CNTNAP3B: variants seen among roughly 807,000 people sequenced by gnomAD.
CNTNAP3B encodes the protein contactin-associated protein-like 3B.
In CNTNAP3B, 25 loss-of-function variants were observed where a neutral mutation model predicts 108.9. That is an observed-to-expected ratio of 0.23 (90% confidence interval 0.17 to 0.32). The LOEUF (loss-of-function observed/expected upper bound fraction) is 0.32, where lower values mean the gene tolerates loss of function less well. CNTNAP3B is among the 10% of genes least tolerant of loss of function. CNTNAP3B has a pLI of 1.00. For missense variants in CNTNAP3B, 252 were observed against 1,210.4 expected (o/e 0.21, Z 11.75); for synonymous variants, 103 against 473.4 (o/e 0.22, Z 10.16).
Position 42,096,258 on chromosome 9 carries a change from C to G in CNTNAP3B, c.196+8371G>C, listed in dbSNP as rs184125600. On this transcript the variant is annotated intron_variant, in intron 2 of 23. Coordinates refer to ENST00000377561, the MANE Select transcript of CNTNAP3B (RefSeq NM_001201380.3). The stretch of plus-strand genomic sequence containing the variant: ...GTGAAGACTTCCATTAAGCCACCAC[C>G]GGCAAGGCTCTGCTTGAGAGCAGAG... Among the ~76,000 whole-genome samples, 3 of 139,234 alleles carry G rather than the reference C, an allele frequency of 2.2e-5. No homozygotes were observed. The South Asian group carries it at 7.0e-4, about 33-fold the overall frequency. The allele number at this position is 139,234 out of a possible 152,430, so 91.3% of individuals were successfully genotyped here.
intron 14 of CNTNAP3B, among the ~76,000 whole-genome samples, chr9:41,935,278 G>A (rs1824122196): frequency 1.3e-5 from 2 of 151,986 alleles, no homozygotes; most frequent in South Asian, 2.1e-4. Context: ...CTGATTACAG[G>A]GACAACTTAT....
intron 3 of CNTNAP3B, among the ~76,000 whole-genome samples, chr9:42,029,636 T>G (rs1190950326): frequency 8.1e-6 from 1 of 123,396 alleles, no homozygotes; most frequent in Non-Finnish European, 1.7e-5. Context: ...GTTCAGGAGA[T>G]TCTCCTGCCT....
rs1358229784 is a variant in CNTNAP3B at position 41,917,200 on chromosome 9, T to C, written c.2995+2870A>G. On this transcript the variant is annotated intron_variant, in intron 18 of 23. Coordinates refer to ENST00000377561, the MANE Select transcript of CNTNAP3B (RefSeq NM_001201380.3). ...TTAGTTATGTCTGATATTTCTCTGATGATCTGTTTATTTTTTTCATTATTA... is the reference window on the plus strand; with the variant it reads ...TTAGTTATGTCTGATATTTCTCTGACGATCTGTTTATTTTTTTCATTATTA... Among the ~76,000 whole-genome samples, 12 of 152,196 alleles carry C rather than the reference T, an allele frequency of 7.9e-5. No homozygotes were observed. In the East Asian group the frequency reaches 2.3e-3, roughly 29 times the overall value.
At chr9:42,051,899 G>C (rs1439339265) in intron 3 of CNTNAP3B, among the ~76,000 whole-genome samples, 4 of 152,102 alleles carry the variant, frequency 2.6e-5, no homozygotes, top group African/African-American at 4.8e-5. Context: ...TAAAACTTTT[G>C]CCAGAGTGTA....
Position 42,127,596 on chromosome 9 carries a change from C to G in CNTNAP3B, c.85+1414G>C, listed in dbSNP as rs574302753. ...CATTTATGTGTTTATTTAAGCCAAA[C>G]GGCAGTTTCCATTACAAGACCCAAG... is the stretch of plus-strand genomic sequence containing the variant. On this transcript the variant is annotated intron_variant, in intron 1 of 23. Transcript: ENST00000377561. 4.3e-5 allele frequency among the ~76,000 whole-genome samples: 6 copies of G among 139,788 alleles called. 1 individual carries two copies. The highest frequency in any genetic ancestry group is 9.2e-5 in the Non-Finnish European group (6 of 65,090). 91.7% of individuals were successfully genotyped at this position (139,788 alleles called of 152,430 possible).
intron 13 of CNTNAP3B, 111 bp from the exon 14 acceptor site, chr9:41,938,511 A>G (rs1824228086): frequency 6.6e-7 from 1 of 1,521,246 alleles, no homozygotes; most frequent in Admixed American, 2.3e-5. Flanking sequence ...AGGCAGAGAG[A>G]GAGAAAATGA....
chr9:42,089,036 G>C (rs1827764340), intron 2 of CNTNAP3B, among the ~76,000 whole-genome samples: 1 of 113,418 alleles, frequency 8.8e-6, no homozygotes, highest in South Asian at 2.9e-4. Flanking sequence ...GGTAAACATG[G>C]TGAAACCCCA....
At chr9:42,095,755 C>G (rs144684555) in intron 2 of CNTNAP3B, among the ~76,000 whole-genome samples, 1 of 137,282 alleles carries the variant, frequency 7.3e-6, no homozygotes, top group Non-Finnish European at 1.6e-5. Flanking sequence ...CTGTATTGGT[C>G]GCAGACCCTT....
At chr9:42,035,920 C>G (rs1315071196) in intron 3 of CNTNAP3B, among the ~76,000 whole-genome samples, 1 of 140,358 alleles carries the variant, frequency 7.1e-6, no homozygotes, top group Non-Finnish European at 1.5e-5. Flanking sequence ...CCAGCCTGGC[C>G]AATATGGTGA....
chr9:42,116,619 T>G (rs1484475223), intron 1 of CNTNAP3B, among the ~76,000 whole-genome samples: 2 of 139,094 alleles, frequency 1.4e-5, no homozygotes, highest in Admixed American at 7.2e-5. Flanking sequence ...CATCAACTAA[T>G]GAGCAAAATA....
At chr9:42,077,648 C>G (rs1827520778) in intron 2 of CNTNAP3B, among the ~76,000 whole-genome samples, 1 of 131,612 alleles carries the variant, frequency 7.6e-6, no homozygotes, top group African/African-American at 3.1e-5. Context: ...TTAAAAAATA[C>G]AAAAAGGTAT....
At chr9:41,918,174 G>A (rs1455971325) in intron 18 of CNTNAP3B, among the ~76,000 whole-genome samples, 28 of 150,474 alleles carry the variant, frequency 1.9e-4, no homozygotes, top group African/African-American at 4.4e-4. Flanking sequence ...TTTAAAAATC[G>A]ATTTACTTTG....
At chr9:42,111,395 C>T (rs1471373423) in intron 1 of CNTNAP3B, among the ~76,000 whole-genome samples, 1 of 138,616 alleles carries the variant, frequency 7.2e-6, no homozygotes, top group Non-Finnish European at 1.5e-5. Flanking sequence ...GTAGAATAAA[C>T]AAATAAAGGC....
intron 14 of CNTNAP3B, among the ~76,000 whole-genome samples, chr9:41,934,137 A>ATT (rs1824076111): frequency 6.8e-6 from 1 of 147,028 alleles, no homozygotes; most frequent in African/African-American, 2.5e-5. Flanking sequence ...ACACATATAT[A>ATT]TATACACACA....
Position 42,107,626 on chromosome 9 carries a change from G to A in CNTNAP3B, c.86-2887C>T, listed in dbSNP as rs1321542570. 1.6e-5 allele frequency among the ~76,000 whole-genome samples: 2 copies of A among 128,638 alleles called. 1 individual carries two copies. Among genetic ancestry groups the A allele is most frequent in the East Asian group, 5.0e-4 (2 of 4,002 alleles). The allele number at this position is 128,638 out of a possible 152,430, so 84.4% of individuals were successfully genotyped here. On this transcript the variant is annotated intron_variant, in intron 1 of 23. Coordinates refer to ENST00000377561, the MANE Select transcript of CNTNAP3B (RefSeq NM_001201380.3). ...GTCAATAGCATCTGTCTGCCAAAGA[G>A]TCACCTTGTAATGAAGAAAATTTCT... is the stretch of plus-strand genomic sequence containing the variant.
chr9:41,935,537 A>T (rs1824131527), intron 14 of CNTNAP3B, among the ~76,000 whole-genome samples: 1 of 152,296 alleles, frequency 6.6e-6, no homozygotes, highest in Non-Finnish European at 1.5e-5. Flanking sequence ...TCATTTCATG[A>T]GACTGGTAAA....
rs62554986 is a variant in CNTNAP3B at position 41,996,327 on chromosome 9, A to T, written c.949T>A (p.Ser317Thr). Reference protein sequence around the residue: ...NFEISFGGILSPGRSRAFTRK... With the variant: ...NFEISFGGILTPGRSRAFTRK... ...GTGAATGCCCGTGATCTTCCGGGTG[A>T]CAGAATTCCCCCAAAGCTGATCTTA... Residue 317 changes from serine to threonine, a missense_variant, in exon 7 of 24, where the codon TCA (serine) becomes ACA (threonine). Physicochemically the swap from Ser to Thr is moderately conservative, Grantham distance 58. Transcript: ENST00000377561. 1,293,711 of 1,536,836 alleles carry T rather than the reference A, an allele frequency of 0.84. 573,094 individuals are homozygous for T. Among genetic ancestry groups the T allele is most frequent in the East Asian group, 0.9 (37,347 of 41,552 alleles).
rs1309678001 is a variant in CNTNAP3B at position 42,096,411 on chromosome 9, C to T, written c.196+8218G>A. On this transcript the variant is annotated intron_variant, in intron 2 of 23. Transcript: ENST00000377561. ...CAATTCCCTTTCAAACTTTTTCTACCTCAGACCAAAAGATGCTTTTGGACT... is the reference window on the plus strand; with the variant it reads ...CAATTCCCTTTCAAACTTTTTCTACTTCAGACCAAAAGATGCTTTTGGACT... Among the ~76,000 whole-genome samples, 3 of 139,848 alleles carry T rather than the reference C, an allele frequency of 2.1e-5. 1 individual carries two copies. The highest frequency in any genetic ancestry group is 8.5e-5 in the African/African-American group (3 of 35,386). 91.7% of individuals were successfully genotyped at this position (139,848 alleles called of 152,430 possible).
At chr9:41,925,783 G>A (rs1823801487) in intron 15 of CNTNAP3B, among the ~76,000 whole-genome samples, 3 of 152,248 alleles carry the variant, frequency 2.0e-5, no homozygotes, top group Non-Finnish European at 4.4e-5. Context: ...TGACACCCAT[G>A]CCTTTTTCAG....
Sources: gnomAD v4.1 joint callset for allele counts (sites outside exome capture counted in the v4.1 genomes callset) on GRCh38, gnomAD v4.1.1 for gene constraint, MANE v1.5 for transcripts, NCBI Gene and HGNC (gene_info 2026-07-23, HGNC 2026-07-21) for gene names.